SENP1: variants seen among roughly 807,000 people sequenced by gnomAD.
SENP1 encodes the protein SUMO specific peptidase 1.
A neutral mutation model predicts 93.0 loss-of-function variants in SENP1; 21 were observed. That is an observed-to-expected ratio of 0.23 (90% CI 0.16 to 0.33). The LOEUF is 0.33. SENP1 is among the 10% of genes least tolerant of loss of function. The probability of loss-of-function intolerance (pLI) is 1.00; values close to 1 mark genes in which losing one functional copy is unlikely to be tolerated. For missense variants in SENP1, 591 were observed against 758.7 expected, an observed-to-expected ratio of 0.78 and a Z score of 2.60; for synonymous variants, 256 against 259.6, an observed-to-expected ratio of 0.99 and a Z score of 0.13.
intron 17 of SENP1, among the ~76,000 whole-genome samples, chr12:48,046,040 G>C (rs1941339239): frequency 6.6e-6 from 1 of 152,122 alleles, no homozygotes; most frequent in Admixed American, 6.5e-5. Flanking sequence ...AAATGCAAGG[G>C]AACTAAAGAA....
intron 4 of SENP1, 168 bp from the exon 5 acceptor site, chr12:48,089,128 C>A: frequency 6.4e-7 from 1 of 1,574,364 alleles, no homozygotes; most frequent in Admixed American, 1.8e-5. Context: ...AGTAGGGGAA[C>A]TTCTACAAAC....
chr12:48,101,146 C>T (rs1232334309), intron 2 of SENP1, among the ~76,000 whole-genome samples: 4 of 152,012 alleles, frequency 2.6e-5, no homozygotes, highest in Admixed American at 2.0e-4. Context: ...ATCAGCCGGA[C>T]GTGGTGGCAC....
At chr12:48,092,656 C>A (rs1945290390) in intron 4 of SENP1, among the ~76,000 whole-genome samples, 1 of 151,974 alleles carries the variant, frequency 6.6e-6, no homozygotes, top group South Asian at 2.1e-4. Flanking sequence ...CTAATCATCA[C>A]CATATATATA....
chr12:48,076,389 A>G (rs765104845), intron 6 of SENP1, among the ~76,000 whole-genome samples: 3 of 152,196 alleles, frequency 2.0e-5, no homozygotes, highest in Admixed American at 6.5e-5. Flanking sequence ...CAGGTGCGCC[A>G]TATCGGCTCA....
intron 13 of SENP1, among the ~76,000 whole-genome samples, chr12:48,061,533 G>C (rs920831225): frequency 6.6e-6 from 1 of 152,096 alleles, no homozygotes; most frequent in Non-Finnish European, 1.5e-5. Context: ...TCAGCCTCCT[G>C]AACAGCTGGG....
chr12:48,068,162 A>ACCATGC (rs529094376), intron 9 of SENP1, among the ~76,000 whole-genome samples: 3 of 152,288 alleles, frequency 2.0e-5, no homozygotes, highest in African/African-American at 7.2e-5. Context: ...GGCATGAGCC[A>ACCATGC]CCATGCCCAG....
intron 13 of SENP1, among the ~76,000 whole-genome samples, chr12:48,062,588 T>C (rs2136940951): frequency 6.6e-6 from 1 of 152,364 alleles, no homozygotes; most frequent in South Asian, 2.1e-4. Flanking sequence ...AAGTTCTATA[T>C]ATCTGATCCT....
chr12:48,057,310 A>G (rs1038796572), intron 13 of SENP1, among the ~76,000 whole-genome samples: 4 of 147,132 alleles, frequency 2.7e-5, no homozygotes, highest in African/African-American at 9.9e-5. Flanking sequence ...GCTCACTGCA[A>G]CCTCCACCTC....
chr12:48,064,539 T>A (rs540921067), intron 12 of SENP1, among the ~76,000 whole-genome samples: 2 of 152,346 alleles, frequency 1.3e-5, no homozygotes, highest in East Asian at 3.9e-4. Context: ...AAATGCTTCT[T>A]CACTGAAACT....
At chr12:48,105,432 T>C (rs367835565) in intron 1 of SENP1, 5 of 518,874 alleles carry the variant, frequency 9.6e-6, no homozygotes, top group Non-Finnish European at 1.9e-5. Context: ...AAGCAAATTG[T>C]GGCAGTTAAG....
chr12:48,105,540 T>C, intron 1 of SENP1: 1 of 505,412 alleles, frequency 2.0e-6, no homozygotes, highest in Non-Finnish European at 4.0e-6. Context: ...AGTAGGAGAG[T>C]TGGAGAAATG....
intron 2 of SENP1, among the ~76,000 whole-genome samples, chr12:48,101,209 C>T (rs1206646004): frequency 1.3e-5 from 2 of 152,154 alleles, no homozygotes; most frequent in Non-Finnish European, 2.9e-5. Flanking sequence ...TTGCTTGAAC[C>T]CAGGAGACAG....
chr12:48,045,207 G>C lies in SENP1; in HGVS notation c.*115C>G, dbSNP rs1592270227. The C allele has an allele frequency of 2.5e-6, 2 of 801,640 alleles. No homozygotes were observed. Among genetic ancestry groups the C allele is most frequent in the South Asian group, 3.0e-5 (2 of 67,358 alleles). The allele number at this position is 801,640 out of a possible 1,614,324, so 49.7% of individuals were successfully genotyped here. On this transcript the variant is annotated 3_prime_UTR_variant, in exon 18 of 18. Transcript: ENST00000549518. Reference sequence around the variant, plus strand: ...TGCATCTCGCCAGGGCCTGGTCCAGGATCAAGGGTGTTACAACAGCAGAGG... The same window carrying C: ...TGCATCTCGCCAGGGCCTGGTCCAGCATCAAGGGTGTTACAACAGCAGAGG...
intron 9 of SENP1, among the ~76,000 whole-genome samples, chr12:48,068,070 C>T (rs931108297): frequency 3.3e-5 from 5 of 152,054 alleles, no homozygotes. Flanking sequence ...GACGAGGTTT[C>T]ACCATGTTGG....
At chr12:48,071,083 CAAAACAAAAACA>C (rs895710489) in intron 9 of SENP1, among the ~76,000 whole-genome samples, 2 of 151,352 alleles carry the variant, frequency 1.3e-5, no homozygotes, top group African/African-American at 4.9e-5. Flanking sequence ...GACCCTGTCT[CAAAACAAAAACA>C]AAAACAAAAA....
intron 13 of SENP1, among the ~76,000 whole-genome samples, chr12:48,057,383 C>T (rs1353216346): frequency 1.4e-5 from 2 of 147,470 alleles, no homozygotes; most frequent in South Asian, 2.1e-4. Context: ...GCGCCTGCCA[C>T]CACACCTGGC....
At position 48,097,870 on chromosome 12, in the gene SENP1, T is replaced by A. The variant is rs563778661; in HGVS notation, c.135+124A>T. 444 of 867,642 alleles carry A rather than the reference T, an allele frequency of 5.1e-4. 3 individuals are homozygous for A. Among genetic ancestry groups the A allele is most frequent in the Middle Eastern group, 1.1e-3 (3 of 2,816 alleles). The allele number at this position is 867,642 out of a possible 1,614,324, so 53.7% of individuals were successfully genotyped here. On this transcript the variant is annotated intron_variant, in intron 3 of 17. Transcript: ENST00000549518. ...AGAGCAGAATTCCAAACACTAAAAT[T>A]ACTGATTCTAAAAAGTTTATAGCTA...
At chr12:48,075,303 C>T (rs747128722) in intron 6 of SENP1, among the ~76,000 whole-genome samples, 7 of 152,166 alleles carry the variant, frequency 4.6e-5, no homozygotes, top group Middle Eastern at 3.4e-3. Flanking sequence ...AGATAATATA[C>T]TTTGAAAAAT....
At chr12:48,058,658 T>A (rs1942749032) in intron 13 of SENP1, among the ~76,000 whole-genome samples, 1 of 152,180 alleles carries the variant, frequency 6.6e-6, no homozygotes, top group African/African-American at 2.4e-5. Context: ...TTTACTTCTG[T>A]ATGTTATAAA....
Sources: gnomAD v4.1 joint callset for allele counts (sites outside exome capture counted in the v4.1 genomes callset) on GRCh38, gnomAD v4.1.1 for gene constraint, MANE v1.5 for transcripts, NCBI Gene and HGNC (gene_info 2026-07-23, HGNC 2026-07-21) for gene names.